GPHN: variants seen among roughly 807,000 people sequenced by gnomAD.
GPHN encodes the protein gephyrin.
A neutral mutation model predicts 95.5 loss-of-function variants in GPHN; 17 were observed. The ratio of observed to expected loss-of-function variants is 0.18; its 90% CI spans 0.12 to 0.27. GPHN has a LOEUF of 0.27. GPHN is among the 10% of genes least tolerant of loss of function. The probability of loss-of-function intolerance (pLI) is 1.00; values close to 1 mark genes in which losing one functional copy is unlikely to be tolerated. For missense variants in GPHN, 660 were observed against 978.1 expected, an observed-to-expected ratio of 0.67 and a Z score of 4.34; for synonymous variants, 320 against 322.5, an observed-to-expected ratio of 0.99 and a Z score of 0.08.
intron 11 of GPHN, among the ~76,000 whole-genome samples, chr14:67,075,307 C>A (rs1375473004): frequency 6.6e-6 from 1 of 152,122 alleles, no homozygotes; most frequent in African/African-American, 2.4e-5. Flanking sequence ...TAAGTCTTTT[C>A]TTGAGACCTC....
intron 2 of GPHN, among the ~76,000 whole-genome samples, chr14:66,698,316 G>A (rs538664117): frequency 2.0e-5 from 3 of 152,130 alleles, no homozygotes; most frequent in African/African-American, 7.2e-5. Flanking sequence ...TTTGCTTCTG[G>A]TCTGTCACTA....
At chr14:67,415,317 T>C in the GPHN span, among the ~76,000 whole-genome samples, 1,516 of 152,282 alleles carry the variant, frequency 1.0e-2, 17 homozygotes, top group African/African-American at 0.035. Context: ...TCATTAAAAG[T>C]AATTCAAAAA....
chr14:67,034,872 C>G (rs1016211334), intron 10 of GPHN, among the ~76,000 whole-genome samples: 1 of 151,934 alleles, frequency 6.6e-6, no homozygotes, highest in Admixed American at 6.6e-5. Flanking sequence ...ATGGATAGAA[C>G]AACCAAAAAG....
intron 10 of GPHN, among the ~76,000 whole-genome samples, chr14:67,057,808 T>C (rs7141519): frequency 0.34 from 51,272 of 152,036 alleles, 14,066 homozygotes; most frequent in African/African-American, 0.74. Context: ...CCTAACTGTT[T>C]CTGGTTCATA....
chr14:67,083,239 CT>C (rs1308799836), intron 11 of GPHN, among the ~76,000 whole-genome samples: 73 of 152,154 alleles, frequency 4.8e-4, no homozygotes, highest in African/African-American at 1.6e-3. Flanking sequence ...GCCCCCCCCC[CT>C]CCAAATCTCA....
intron 3 of GPHN, among the ~76,000 whole-genome samples, chr14:66,799,681 A>G (rs1405623093): frequency 1.3e-5 from 2 of 151,456 alleles, no homozygotes; most frequent in Non-Finnish European, 3.0e-5. Context: ...CCATTCCTTT[A>G]TTTTCAGTCT....
At chr14:67,343,579 T>G in the GPHN span, 1 of 630,688 alleles carries the variant, frequency 1.6e-6, no homozygotes. Flanking sequence ...AAAACAAAAT[T>G]CTTAGGCTGG....
the GPHN span, among the ~76,000 whole-genome samples, chr14:67,548,896 A>T: frequency 6.6e-6 from 1 of 152,184 alleles, no homozygotes; most frequent in Non-Finnish European, 1.5e-5. Context: ...AAAAATTTGT[A>T]GTTCAGAAAT....
chr14:66,784,508 T>A (rs2059706525), intron 3 of GPHN, among the ~76,000 whole-genome samples: 1 of 152,174 alleles, frequency 6.6e-6, no homozygotes, highest in African/African-American at 2.4e-5. Context: ...TGTATTTTCT[T>A]ATAATTTTTA....
At chr14:67,154,309 G>A (rs2081455030) in intron 18 of GPHN, among the ~76,000 whole-genome samples, 1 of 152,106 alleles carries the variant, frequency 6.6e-6, no homozygotes, top group African/African-American at 2.4e-5. Flanking sequence ...CTTCTAGAAT[G>A]ACCTTTCCTA....
rs140481311 is a variant in GPHN at position 66,544,264 on chromosome 14, C to T, written c.64+35673C>T. Among the ~76,000 whole-genome samples, 619 of 152,298 alleles carry T rather than the reference C, an allele frequency of 4.1e-3. 3 individuals are homozygous for T. The highest frequency in any genetic ancestry group is 0.013 in the African/African-American group (560 of 41,566). On this transcript the variant is annotated intron_variant, in intron 1 of 22. Coordinates refer to ENST00000478722, the MANE Select transcript of GPHN (RefSeq NM_020806.5). ...TTCCCTCAAATGTCACCTTCTCAAACGACTGTAATTAAAATTACAGCCTCT... is the reference window on the plus strand; with the variant it reads ...TTCCCTCAAATGTCACCTTCTCAAATGACTGTAATTAAAATTACAGCCTCT...
chr14:67,592,306 G>T, the GPHN span: 2 of 430,400 alleles, frequency 4.6e-6, no homozygotes, highest in Admixed American at 3.2e-5. Context: ...CAGGCGAGAT[G>T]GTGCACACCT....
chr14:67,349,218 T>C, the GPHN span: 3 of 1,004,398 alleles, frequency 3.0e-6, no homozygotes, highest in Non-Finnish European at 4.4e-6. Context: ...CACAATTAAG[T>C]ATGTTTTGAT....
At chr14:66,665,872 C>G (rs2065919900) in intron 1 of GPHN, among the ~76,000 whole-genome samples, 1 of 152,106 alleles carries the variant, frequency 6.6e-6, no homozygotes. Context: ...CAGTGATAGA[C>G]TGGATTGAGA....
At chr14:67,697,479 A>G in the GPHN span, among the ~76,000 whole-genome samples, 1 of 152,262 alleles carries the variant, frequency 6.6e-6, no homozygotes, top group South Asian at 2.1e-4. Flanking sequence ...CAGAAATGGC[A>G]ATAATAGCCA....
the GPHN span, chr14:67,338,579 A>G: frequency 6.3e-7 from 1 of 1,583,528 alleles, no homozygotes; most frequent in East Asian, 2.2e-5. Context: ...AATTAAAATG[A>G]AGCCAGTGTT....
intron 1 of GPHN, among the ~76,000 whole-genome samples, chr14:66,674,205 T>C (rs1262052040): frequency 2.0e-5 from 3 of 151,914 alleles, no homozygotes; most frequent in Non-Finnish European, 4.4e-5. Context: ...TTCATGCCAT[T>C]CTCCTGCCTC....
chr14:67,323,106 T>C, the GPHN span, among the ~76,000 whole-genome samples: 1 of 152,146 alleles, frequency 6.6e-6, no homozygotes, highest in African/African-American at 2.4e-5. Context: ...GGTGTTTTAA[T>C]ATCACATAGT....
At chr14:66,930,273 A>G (rs906065561) in intron 8 of GPHN, among the ~76,000 whole-genome samples, 1 of 151,104 alleles carries the variant, frequency 6.6e-6, no homozygotes, top group African/African-American at 2.4e-5. Context: ...CTCTGGTTAT[A>G]TGTTTTAATT....
Sources: gnomAD v4.1 joint callset for allele counts (sites outside exome capture counted in the v4.1 genomes callset) on GRCh38, gnomAD v4.1.1 for gene constraint, MANE v1.5 for transcripts, NCBI Gene and HGNC (gene_info 2026-07-23, HGNC 2026-07-21) for gene names.